SUDS3: variants seen among roughly 807,000 people sequenced by gnomAD.
SUDS3 encodes the protein sin3 histone deacetylase corepressor complex component SDS3.
SUDS3 carries 23 observed loss-of-function variants against 53.5 expected under a neutral mutation model. The ratio of observed to expected loss-of-function variants is 0.43; its 90% CI spans 0.31 to 0.61. SUDS3 has a LOEUF of 0.61. Ranked by LOEUF, SUDS3 falls within the 20% of genes least tolerant of loss-of-function variation. SUDS3 has a pLI of 0.10. For missense variants in SUDS3, 291 were observed against 405.9 expected (o/e 0.72, Z 2.43); for synonymous variants, 150 against 148.5 (o/e 1.01, Z -0.08).
chr12:118,405,404 T>C (rs2046300555), intron 10 of SUDS3, among the ~76,000 whole-genome samples: 3 of 152,198 alleles, frequency 2.0e-5, no homozygotes, highest in South Asian at 4.1e-4. Context: ...AAATTCTTGT[T>C]TTTTTAAAGA....
intron 2 of SUDS3, among the ~76,000 whole-genome samples, chr12:118,380,905 A>G (rs1054159389): frequency 2.0e-5 from 3 of 152,148 alleles, no homozygotes; most frequent in Non-Finnish European, 4.4e-5. Flanking sequence ...GGGTTTCACC[A>G]TGTTGGCCAG....
intron 6 of SUDS3, among the ~76,000 whole-genome samples, chr12:118,395,881 C>T (rs1007688321): frequency 4.6e-5 from 7 of 151,748 alleles, no homozygotes; most frequent in East Asian, 4.0e-4. Flanking sequence ...TTAGTAGAGA[C>T]GGGGTTTCAC....
intron 3 of SUDS3, 95 bp from the exon 4 acceptor site, chr12:118,386,019 C>A: frequency 1.1e-6 from 1 of 948,834 alleles, no homozygotes; most frequent in South Asian, 1.4e-5. Context: ...GTTACTGAAA[C>A]AGTCAGTGTT....
intron 4 of SUDS3, 21 bp from the exon 5 acceptor site, chr12:118,389,906 T>A (rs1407809823): frequency 1.9e-6 from 3 of 1,613,900 alleles, no homozygotes; most frequent in African/African-American, 1.3e-5. Flanking sequence ...CAAATCTAAT[T>A]GCACTTTTTA....
At chr12:118,380,134 C>G (rs1319997402) in intron 1 of SUDS3, 28 bp from the exon 2 acceptor site, 3 of 1,580,534 alleles carry the variant, frequency 1.9e-6, no homozygotes, top group Non-Finnish European at 2.6e-6. Flanking sequence ...ATGATTTTAA[C>G]TAGCCCCTAT....
rs2141355005 is a variant in SUDS3, at chr12:118,376,589, C to G, written c.-103C>G. On this transcript the variant is annotated 5_prime_UTR_variant, in exon 1 of 12. Transcript: ENST00000543473. ...GAAGGGGTCGCCGTGGCTGCCGGTC[C>G]TCGAGTTGGGGGCTGCCGCGGACAC... is the stretch of plus-strand genomic sequence containing the variant. 8 of 1,245,392 alleles carry G rather than the reference C, an allele frequency of 6.4e-6. No homozygotes were observed. The South Asian group carries it at 2.5e-4, about 38-fold the overall frequency. The allele number at this position is 1,245,392 out of a possible 1,614,324, so 77.1% of individuals were successfully genotyped here. A position where few individuals can be genotyped will look rare whatever the true frequency, so the allele number is the denominator to read the frequency against.
At chr12:118,389,853 A>G (rs2046149594) in intron 4 of SUDS3, 74 bp from the exon 5 acceptor site, 21 of 1,578,496 alleles carry the variant, frequency 1.3e-5, no homozygotes. Context: ...ACTGCTTCTA[A>G]ATGAATGCTA....
chr12:118,404,652 C>G (rs1180182108), intron 10 of SUDS3, among the ~76,000 whole-genome samples: 1 of 152,120 alleles, frequency 6.6e-6, no homozygotes, highest in East Asian at 1.9e-4. Flanking sequence ...CAGGCATAGT[C>G]TATTCATTCT....
At chr12:118,379,428 C>T (rs2046033470) in intron 1 of SUDS3, among the ~76,000 whole-genome samples, 3 of 152,056 alleles carry the variant, frequency 2.0e-5, no homozygotes, top group African/African-American at 7.2e-5. Context: ...CAGAGTGAGA[C>T]TGTGTCTCAT....
intron 5 of SUDS3, 95 bp downstream of exon 5, chr12:118,390,041 A>T (rs2046151723): frequency 7.5e-6 from 11 of 1,464,330 alleles, no homozygotes; most frequent in Non-Finnish European, 1.1e-5. Flanking sequence ...CACCAAGTAG[A>T]TAGTTTGGAA....
chr12:118,383,675 A>G (rs2046087964), intron 2 of SUDS3, among the ~76,000 whole-genome samples: 1 of 152,226 alleles, frequency 6.6e-6, no homozygotes, highest in African/African-American at 2.4e-5. Context: ...GTTTAATGCC[A>G]TTTCTACATT....
At chr12:118,395,793 G>A (rs781743092) in intron 6 of SUDS3, among the ~76,000 whole-genome samples, 27 of 151,934 alleles carry the variant, frequency 1.8e-4, no homozygotes, top group Non-Finnish European at 2.2e-4. Context: ...CTGGGTTCAA[G>A]CGATTCTCCT....
chr12:118,416,669 C>T lies in SUDS3; in HGVS notation c.*2236C>T, dbSNP rs1474284864. The T allele has an allele frequency of 1.3e-5, 2 of 152,192 alleles. No homozygotes were observed. Among genetic ancestry groups the T allele is most frequent in the African/African-American group, 4.8e-5 (2 of 41,462 alleles). The allele number at this position is 152,192 out of a possible 1,614,324, so 9.4% of individuals were successfully genotyped here. A position where few individuals can be genotyped will look rare whatever the true frequency, so the allele number is the denominator to read the frequency against. On this transcript the variant is annotated 3_prime_UTR_variant, in exon 12 of 12. Coordinates refer to ENST00000543473, the MANE Select transcript of SUDS3 (RefSeq NM_022491.3). ...TTTTGTCACCCCAGAGGTGAAAAATCAGCAGTTGAAGCCTGACAGGCCTCA... is the reference window on the plus strand; with the variant it reads ...TTTTGTCACCCCAGAGGTGAAAAATTAGCAGTTGAAGCCTGACAGGCCTCA...
chr12:118,395,503 GGT>G (rs1447368906), intron 6 of SUDS3, among the ~76,000 whole-genome samples: 1 of 151,948 alleles, frequency 6.6e-6, no homozygotes, highest in Non-Finnish European at 1.5e-5. Flanking sequence ...TGGGATTACA[GGT>G]GTGAACCACC....
At chr12:118,391,081 C>T (rs765686523) in intron 5 of SUDS3, 45 bp from the exon 6 acceptor site, 49 of 1,603,434 alleles carry the variant, frequency 3.1e-5, no homozygotes, top group Non-Finnish European at 1.1e-5. Flanking sequence ...GGAGCCCTGG[C>T]TCCCAGGGCT....
At chr12:118,407,453 G>A (rs1469505783) in intron 10 of SUDS3, among the ~76,000 whole-genome samples, 1 of 152,188 alleles carries the variant, frequency 6.6e-6, no homozygotes, top group African/African-American at 2.4e-5. Context: ...TGATTCCAAA[G>A]GAGGCGGATC....
chr12:118,387,964 C>A (rs911565123), intron 4 of SUDS3, among the ~76,000 whole-genome samples: 4 of 152,236 alleles, frequency 2.6e-5, no homozygotes, highest in African/African-American at 9.6e-5. Flanking sequence ...GATGATCCAC[C>A]TGCTTTAGTG....
At chr12:118,410,928 G>T (rs2046354255) in intron 10 of SUDS3, 145 bp from the exon 11 acceptor site, 1 of 707,398 alleles carries the variant, frequency 1.4e-6, no homozygotes, top group Non-Finnish European at 2.3e-6. Context: ...TAAGCTAAAT[G>T]GGAAATCCAG....
At chr12:118,403,554 A>C (rs761439844) in intron 10 of SUDS3, 37 bp downstream of exon 10, 1 of 1,533,920 alleles carries the variant, frequency 6.5e-7, no homozygotes, top group Non-Finnish European at 8.9e-7. Flanking sequence ...TAAGAGTCTC[A>C]TATGAACCAC....
Sources: gnomAD v4.1 joint callset for allele counts (sites outside exome capture counted in the v4.1 genomes callset) on GRCh38, gnomAD v4.1.1 for gene constraint, MANE v1.5 for transcripts, NCBI Gene and HGNC (gene_info 2026-07-23, HGNC 2026-07-21) for gene names.